Variants in TRAF2 observed in about 807,000 individuals in gnomAD.
The protein encoded by TRAF2 is TNF receptor-associated factor 2.
A neutral mutation model predicts 55.6 loss-of-function variants in TRAF2; 6 were observed. That is an observed-to-expected ratio of 0.11 (90% CI 0.06 to 0.21). TRAF2 has a LOEUF of 0.21. TRAF2 is among the 10% of genes least tolerant of loss of function. The pLI is 1.00. For synonymous variants in TRAF2, 329 were observed against 276.3 expected, an observed-to-expected ratio of 1.19 and a Z score of -1.89; for missense variants, 561 against 684.5, an observed-to-expected ratio of 0.82 and a Z score of 2.01.
chr9:136,917,332 T>TTGG (rs1850266686), intron 7 of TRAF2, among the ~76,000 whole-genome samples: 1 of 152,246 alleles, frequency 6.6e-6, no homozygotes, highest in African/African-American at 2.4e-5. Flanking sequence ...TCCTTGGGCA[T>TTGG]GCCCACTTGT....
intron 10 of TRAF2, among the ~76,000 whole-genome samples, chr9:136,925,130 C>T (rs1028037486): frequency 6.6e-6 from 1 of 152,178 alleles, no homozygotes; most frequent in Non-Finnish European, 1.5e-5. Flanking sequence ...CCACAGTTGG[C>T]CCAGACTTGC....
In TRAF2 at chr9:136,894,518, G is replaced by T. The variant is rs1338064874; in HGVS notation, c.-28-4195G>T. 2.0e-5 allele frequency among the ~76,000 whole-genome samples: 3 copies of T among 152,116 alleles called. No homozygotes were observed. In the East Asian group the frequency reaches 5.8e-4, roughly 29 times the overall value. The stretch of plus-strand genomic sequence containing the variant: ...CAAGGGGCAGGTGTGCAGATCCATA[G>T]GGACCAGCACCGGGGCTCTTCCAAG... On this transcript the variant is annotated intron_variant, in intron 1 of 10. Coordinates refer to ENST00000247668, the MANE Select transcript of TRAF2 (RefSeq NM_021138.4).
Position 136,923,982 on chromosome 9 carries a change from G to A in TRAF2, c.1269G>A (p.Arg423=), listed in dbSNP as rs200660050. The A allele has an allele frequency of 1.8e-5, 29 of 1,613,494 alleles. No individual in the cohort carries two copies. The highest frequency in any genetic ancestry group is 2.5e-5 in the Non-Finnish European group (29 of 1,179,946). The change falls in exon 10 of 11, where the codon CGG becomes CGA. Residue 423 remains arginine (R), a synonymous_variant. Transcript: ENST00000247668. ...VMKGPNDALL[R]WPFNQKVTLM... ...AGGGCCCGAATGACGCCCTGCTGCG[G>A]TGGCCCTTCAACCAGAAGGTGAGGC...
intron 4 of TRAF2, among the ~76,000 whole-genome samples, chr9:136,902,869 T>C (rs1849854054): frequency 6.6e-6 from 1 of 152,230 alleles, no homozygotes; most frequent in Admixed American, 6.5e-5. Flanking sequence ...CTTTCCTCCT[T>C]GATGGTCGGA....
chr9:136,923,493 C>T (rs1047023716), intron 9 of TRAF2, among the ~76,000 whole-genome samples: 1 of 151,086 alleles, frequency 6.6e-6, no homozygotes, highest in Non-Finnish European at 1.5e-5. Context: ...CGTCTGTAAT[C>T]TCAGCTACTC....
chr9:136,910,141 G>T, intron 6 of TRAF2, 147 bp downstream of exon 6: 2 of 888,246 alleles, frequency 2.3e-6, no homozygotes. Flanking sequence ...GGTCATGGAT[G>T]CGTTCAGGGT....
In TRAF2 at chr9:136,910,059, C is replaced by T. The variant is rs17250434; in HGVS notation, c.603+65C>T. ...GCCCATGTGTTGGACGTGAGGGTCC[C>T]GTGGGTGGGGGTGGGGCAGGTTATG... is the stretch of plus-strand genomic sequence containing the variant. On this transcript the variant is annotated intron_variant, in intron 6 of 10. Transcript: ENST00000247668. 3.1e-3 allele frequency: 2,862 copies of T among 935,996 alleles called. 44 individuals are homozygous for T. The African/African-American group carries it at 0.036, about 12-fold the overall frequency. 58.0% of individuals were successfully genotyped at this position (935,996 alleles called of 1,614,324 possible).
At chr9:136,921,738 G>C (rs1020738918) in intron 9 of TRAF2, among the ~76,000 whole-genome samples, 2 of 151,906 alleles carry the variant, frequency 1.3e-5, no homozygotes, top group African/African-American at 2.4e-5. Context: ...TCTTGAGAGG[G>C]TGCTCGTGGG....
At chr9:136,915,875 T>C (rs1472295660) in intron 6 of TRAF2, among the ~76,000 whole-genome samples, 1 of 152,090 alleles carries the variant, frequency 6.6e-6, no homozygotes, top group Non-Finnish European at 1.5e-5. Flanking sequence ...GCCGTTTCCC[T>C]CCTTCCGGGT....
intron 6 of TRAF2, 131 bp from the exon 7 acceptor site, chr9:136,916,410 A>C: frequency 1.2e-6 from 1 of 840,906 alleles, no homozygotes; most frequent in South Asian, 1.4e-5. Flanking sequence ...GTTGGGTTTC[A>C]TTCAGTGTGA....
rs201398520 is a variant in TRAF2 at position 136,923,719 on chromosome 9, T to C, written c.1139-133T>C. 83 of 55,880 alleles carry C rather than the reference T, an allele frequency of 1.5e-3. 2 individuals are homozygous for C. Among genetic ancestry groups the C allele is most frequent in the Non-Finnish European group, 1.9e-3 (79 of 41,018 alleles). 3.5% of individuals were successfully genotyped at this position (55,880 alleles called of 1,614,324 possible). A position where few individuals can be genotyped will look rare whatever the true frequency, so the allele number is the denominator to read the frequency against. On this transcript the variant is annotated intron_variant, in intron 9 of 10. Transcript: ENST00000247668. Reference sequence around the variant, plus strand: ...TGCATAGTTTGAGGGAAAAAAAACTTTTCTTTGCACCCCAGAACCTGAATG... The same window carrying C: ...TGCATAGTTTGAGGGAAAAAAAACTCTTCTTTGCACCCCAGAACCTGAATG...
upstream of TRAF2, among the ~76,000 whole-genome samples, chr9:136,882,454 A>G (rs1260811424): frequency 1.3e-5 from 2 of 152,170 alleles, no homozygotes; most frequent in Admixed American, 6.5e-5. Context: ...CCCTCCAGGG[A>G]CACTGGCACC....
At position 136,925,716 on chromosome 9, in the gene TRAF2, G is replaced by C. The variant is rs1850514294; in HGVS notation, c.1321G>C (p.Glu441Gln). The change falls in exon 11 of 11, where the codon GAG becomes CAG. Residue 441 changes from glutamate (E) to glutamine (Q), a missense_variant. Glu to Gln is a conservative substitution (Grantham distance 29). Transcript: ENST00000247668. ...AATGCTGCTCGACCAGAATAACCGGGAGCACGTGATTGACGCCTTCAGGCC... is the reference window on the plus strand; with the variant it reads ...AATGCTGCTCGACCAGAATAACCGGCAGCACGTGATTGACGCCTTCAGGCC... ...TLMLLDQNNREHVIDAFRPDV... is the reference protein window; with the variant it reads ...TLMLLDQNNRQHVIDAFRPDV... 1.2e-6 allele frequency: 2 copies of C among 1,614,080 alleles called. No homozygotes were observed. The highest frequency in any genetic ancestry group is 1.7e-6 in the Non-Finnish European group (2 of 1,180,050).
chr9:136,895,236 CAGT>C (rs1165529129), intron 1 of TRAF2, among the ~76,000 whole-genome samples: 1 of 152,220 alleles, frequency 6.6e-6, no homozygotes, highest in Non-Finnish European at 1.5e-5. Flanking sequence ...GTCGGGCACA[CAGT>C]GGTGCTTCGT....
intron 6 of TRAF2, among the ~76,000 whole-genome samples, chr9:136,913,234 T>G (rs1850162640): frequency 2.0e-5 from 3 of 152,012 alleles, no homozygotes; most frequent in Admixed American, 2.0e-4. Flanking sequence ...GCTCTTTTTG[T>G]TCTTGGAAGT....
chr9:136,904,560 C>T (rs1043962635), intron 4 of TRAF2, among the ~76,000 whole-genome samples: 1 of 152,066 alleles, frequency 6.6e-6, no homozygotes, highest in Admixed American at 6.6e-5. Context: ...CGCTCACCAC[C>T]ACTCTCGGCT....
upstream of TRAF2, among the ~76,000 whole-genome samples, chr9:136,883,125 C>T (rs1055458923): frequency 1.3e-5 from 2 of 152,118 alleles, no homozygotes; most frequent in African/African-American, 4.8e-5. Flanking sequence ...CCACCTCAGC[C>T]TCCCAAAGTG....
intron 1 of TRAF2, among the ~76,000 whole-genome samples, chr9:136,895,954 C>G (rs953843842): frequency 6.6e-6 from 1 of 152,152 alleles, no homozygotes; most frequent in Non-Finnish European, 1.5e-5. Context: ...GGAGGCCGCC[C>G]TCCACCCTTA....
intron 7 of TRAF2, among the ~76,000 whole-genome samples, chr9:136,919,680 T>TTCTTCCCTTCGTCCTG (rs17250546): frequency 9.4e-5 from 14 of 148,608 alleles, no homozygotes; most frequent in Non-Finnish European, 1.8e-4. Context: ...TTCCCTCCCC[T>TTCTTCCCTTCGTCCTG]TCTTCCCTTC....
Sources: allele counts gnomAD v4.1 joint callset (sites outside exome capture counted in the v4.1 genomes callset), GRCh38; gene constraint gnomAD v4.1.1; transcripts MANE v1.5; gene names NCBI Gene and HGNC (gene_info 2026-07-23, HGNC 2026-07-21).